Variants in PACRG observed in about 807,000 individuals in gnomAD.
PACRG encodes parkin coregulated, also known as parkin coregulated gene protein.
PACRG carries 29 observed loss-of-function variants against 29.7 expected under a neutral mutation model. The ratio of observed to expected loss-of-function variants is 0.98; its 90% CI spans 0.73 to 1.33. The LOEUF is 1.33. PACRG is among the 40% of genes most tolerant of loss of function. PACRG has a pLI of 0.00. For synonymous variants in PACRG, 116 were observed against 118.7 expected (o/e 0.98, Z 0.15); for missense variants, 279 against 316.2 (o/e 0.88, Z 0.89).
At chr6:163,020,050 T>C (rs1370306651) in intron 2 of PACRG, among the ~76,000 whole-genome samples, 1 of 152,218 alleles carries the variant, frequency 6.6e-6, no homozygotes, top group Non-Finnish European at 1.5e-5. Context: ...TAGAAGATCC[T>C]AATTACAGGA....
At position 163,234,560 on chromosome 6, in the gene PACRG, G is replaced by T. The variant is rs114108971; in HGVS notation, c.614-80267G>T. ...ACCTCTTTTCCTTAAAAATTATCCA[G>T]CCTCGGCATTCCTTTATAGCAGCCC... On this transcript the variant is annotated intron_variant, in intron 4 of 4. Coordinates refer to ENST00000366888, the MANE Select transcript of PACRG (RefSeq NM_001080379.2). Among the ~76,000 whole-genome samples the T allele has an allele frequency of 3.8e-3, 582 of 152,182 alleles. 3 individuals carry two copies. Among genetic ancestry groups the T allele is most frequent in the African/African-American group, 0.014 (563 of 41,488 alleles).
chr6:163,029,190 A>T (rs1807426195), intron 2 of PACRG, among the ~76,000 whole-genome samples: 2 of 152,172 alleles, frequency 1.3e-5, no homozygotes, highest in South Asian at 4.1e-4. Flanking sequence ...AAAGATAAGG[A>T]GACACATTCT....
chr6:163,266,238 A>T (rs950775843), intron 4 of PACRG, among the ~76,000 whole-genome samples: 1 of 152,236 alleles, frequency 6.6e-6, no homozygotes, highest in Non-Finnish European at 1.5e-5. Context: ...AACAGATAAA[A>T]ATACTGTAAA....
intron 1 of PACRG, among the ~76,000 whole-genome samples, chr6:162,733,415 A>G (rs1453442520): frequency 6.6e-6 from 1 of 152,220 alleles, no homozygotes; most frequent in Non-Finnish European, 1.5e-5. Context: ...GAATGAAGGA[A>G]AGCAATTCTA....
intron 2 of PACRG, among the ~76,000 whole-genome samples, chr6:162,912,276 T>G: frequency 6.6e-6 from 1 of 152,342 alleles, no homozygotes; most frequent in Non-Finnish European, 1.5e-5. Flanking sequence ...CTTCTGCCAC[T>G]AATAGTGCTG....
chr6:162,727,332 G>A, upstream of PACRG: 2 of 391,490 alleles, frequency 5.1e-6, no homozygotes, highest in East Asian at 4.8e-5. Context: ...GGGCGGCGGC[G>A]GGGAGAAGGC....
chr6:163,135,734 A>G (rs1816907910), intron 4 of PACRG, among the ~76,000 whole-genome samples: 1 of 152,192 alleles, frequency 6.6e-6, no homozygotes, highest in South Asian at 2.1e-4. Flanking sequence ...ATGTGGCCAA[A>G]TGGCTCTCCG....
chr6:162,753,305 C>G (rs1781655425), intron 1 of PACRG, among the ~76,000 whole-genome samples: 1 of 147,312 alleles, frequency 6.8e-6, no homozygotes, highest in South Asian at 2.4e-4. Flanking sequence ...CTTCCTACTT[C>G]TATGAGTTCA....
At chr6:162,939,112 C>T (rs1798438592) in intron 2 of PACRG, among the ~76,000 whole-genome samples, 1 of 152,132 alleles carries the variant, frequency 6.6e-6, no homozygotes, top group African/African-American at 2.4e-5. Context: ...AATCTGAATA[C>T]TTACAGCCAA....
At chr6:162,756,633 C>T (rs1781945454) in intron 1 of PACRG, among the ~76,000 whole-genome samples, 1 of 151,952 alleles carries the variant, frequency 6.6e-6, no homozygotes, top group Non-Finnish European at 1.5e-5. Context: ...TAATTTAATC[C>T]ATTTACATTT....
intron 4 of PACRG, among the ~76,000 whole-genome samples, chr6:163,283,807 CAAAAAA>C (rs11342579): frequency 2.0e-5 from 2 of 100,294 alleles, no homozygotes. Context: ...GACTCCGTCT[CAAAAAA>C]AAAAAAAAAA....
At chr6:163,212,329 T>C (rs1781177709) in intron 4 of PACRG, among the ~76,000 whole-genome samples, 1 of 152,172 alleles carries the variant, frequency 6.6e-6, no homozygotes, top group South Asian at 2.1e-4. Flanking sequence ...CCGGGAGCAG[T>C]GGCACCCCAA....
chr6:163,228,746 C>T (rs1293033337), intron 4 of PACRG, among the ~76,000 whole-genome samples: 1 of 152,198 alleles, frequency 6.6e-6, no homozygotes. Flanking sequence ...GGAATAAATG[C>T]AGACTGGAGT....
intron 4 of PACRG, among the ~76,000 whole-genome samples, chr6:163,195,347 G>C (rs1482151210): frequency 6.6e-6 from 1 of 152,156 alleles, no homozygotes; most frequent in Non-Finnish European, 1.5e-5. Flanking sequence ...TGCTGCCAAA[G>C]AGAAGTTTAA....
At chr6:162,848,993 G>C (rs1222531953) in intron 2 of PACRG, among the ~76,000 whole-genome samples, 1 of 152,172 alleles carries the variant, frequency 6.6e-6, no homozygotes, top group Non-Finnish European at 1.5e-5. Context: ...TTGCAACAGA[G>C]ATGTTGAAAA....
intron 2 of PACRG, among the ~76,000 whole-genome samples, chr6:162,948,337 G>A (rs887662152): frequency 3.9e-5 from 6 of 152,088 alleles, no homozygotes; most frequent in Middle Eastern, 3.4e-3. Context: ...AACTGGATCC[G>A]TGTTCAGAAG....
At chr6:163,230,780 T>TGTGTAATGCCGAACTGCTG (rs1554231576) in intron 4 of PACRG, among the ~76,000 whole-genome samples, 2 of 67,366 alleles carry the variant, frequency 3.0e-5, no homozygotes, top group Non-Finnish European at 6.1e-5. Flanking sequence ...AGGTGCAGAG[T>TGTGTAATGCCGAACTGCTG]TAGGGAGGGA....
chr6:163,100,526 C>A (rs1290395152), intron 4 of PACRG, among the ~76,000 whole-genome samples: 7 of 152,294 alleles, frequency 4.6e-5, no homozygotes, highest in South Asian at 4.1e-4. Context: ...GTCCCGCTGT[C>A]CCCCCAGCGC....
intron 1 of PACRG, among the ~76,000 whole-genome samples, chr6:162,770,848 G>T (rs897313183): frequency 6.6e-6 from 1 of 152,024 alleles, no homozygotes; most frequent in Non-Finnish European, 1.5e-5. Flanking sequence ...ACTGCATGTT[G>T]GTAAGATAAA....
Sources: gnomAD v4.1 joint callset for allele counts (sites outside exome capture counted in the v4.1 genomes callset) on GRCh38, gnomAD v4.1.1 for gene constraint, MANE v1.5 for transcripts, NCBI Gene and HGNC (gene_info 2026-07-23, HGNC 2026-07-21) for gene names.